Variants in UNC5D observed in about 807,000 individuals in gnomAD.
UNC5D encodes the protein netrin receptor UNC5D.
A neutral mutation model predicts 105.4 loss-of-function variants in UNC5D; 39 were observed. The ratio of observed to expected loss-of-function variants is 0.37; its 90% CI spans 0.29 to 0.48. The LOEUF (loss-of-function observed/expected upper bound fraction) is 0.48. Ranked by LOEUF, UNC5D falls within the 20% of genes least tolerant of loss-of-function variation. The pLI is 0.98. For missense variants in UNC5D, 991 were observed against 1,202.4 expected, an observed-to-expected ratio of 0.82 and a Z score of 2.60; for synonymous variants, 452 against 450.4, an observed-to-expected ratio of 1.00 and a Z score of -0.04.
intron 1 of UNC5D, among the ~76,000 whole-genome samples, chr8:35,264,833 C>T (rs887094369): frequency 1.3e-5 from 2 of 152,014 alleles, no homozygotes; most frequent in Non-Finnish European, 2.9e-5. Context: ...GCAGGGCCAT[C>T]CTGTGTACCT....
At chr8:35,782,225 T>C (rs1479588505) in intron 16 of UNC5D, among the ~76,000 whole-genome samples, 1 of 152,220 alleles carries the variant, frequency 6.6e-6, no homozygotes, top group African/African-American at 2.4e-5. Context: ...CAAATGCTTA[T>C]GGTGTGTTCA....
chr8:35,611,110 A>AT (rs1406464673), intron 4 of UNC5D, among the ~76,000 whole-genome samples: 1 of 150,904 alleles, frequency 6.6e-6, no homozygotes, highest in Non-Finnish European at 1.5e-5. Flanking sequence ...TTCTTCCTTC[A>AT]TTTTTAAAGC....
chr8:35,390,651 C>T lies in UNC5D; in HGVS notation c.103+154764C>T, dbSNP rs868586160. ...AAATACTTTTCTTATTTGTTGGTAA[C>T]ACTCTGGCGTTTCATTAATCCTAGC... On this transcript the variant is annotated intron_variant, in intron 1 of 16. Transcript: ENST00000404895. 7.9e-5 allele frequency among the ~76,000 whole-genome samples: 12 copies of T among 152,154 alleles called. 1 individual carries two copies. The highest frequency in any genetic ancestry group is 2.7e-4 in the African/African-American group (11 of 41,422).
intron 1 of UNC5D, among the ~76,000 whole-genome samples, chr8:35,245,915 T>A (rs1803062174): frequency 6.6e-6 from 1 of 152,186 alleles, no homozygotes; most frequent in African/African-American, 2.4e-5. Context: ...AAACTTGGGA[T>A]GTAATCACAA....
At chr8:35,273,817 T>G (rs1035666988) in intron 1 of UNC5D, among the ~76,000 whole-genome samples, 1 of 152,188 alleles carries the variant, frequency 6.6e-6, no homozygotes, top group Non-Finnish European at 1.5e-5. Context: ...TCTTACTAAG[T>G]GTCCACAAAG....
At chr8:35,549,603 T>C in intron 2 of UNC5D, 93 bp downstream of exon 2, 1 of 1,210,806 alleles carries the variant, frequency 8.3e-7, no homozygotes, top group Non-Finnish European at 1.2e-6. Context: ...CACCCCCCAT[T>C]GCCTTGTGTG....
At chr8:35,269,013 T>C (rs1805088528) in intron 1 of UNC5D, among the ~76,000 whole-genome samples, 1 of 152,216 alleles carries the variant, frequency 6.6e-6, no homozygotes, top group Non-Finnish European at 1.5e-5. Flanking sequence ...AACCATAGTT[T>C]ACATTAATCT....
chr8:35,763,822 C>A (rs1363100908), intron 14 of UNC5D, among the ~76,000 whole-genome samples: 9 of 152,138 alleles, frequency 5.9e-5, no homozygotes, highest in Non-Finnish European at 4.4e-5. Context: ...ATGGTGGAAG[C>A]CCTTGAAGGC....
At chr8:35,483,975 A>G (rs1424589067) in intron 1 of UNC5D, among the ~76,000 whole-genome samples, 1 of 152,176 alleles carries the variant, frequency 6.6e-6, no homozygotes, top group Non-Finnish European at 1.5e-5. Context: ...TTCAAATGTG[A>G]GGAGATGAGG....
At chr8:35,386,809 C>T (rs1207451495) in intron 1 of UNC5D, among the ~76,000 whole-genome samples, 1 of 152,160 alleles carries the variant, frequency 6.6e-6, no homozygotes, top group African/African-American at 2.4e-5. Flanking sequence ...TTTGAGCTTA[C>T]CTTTCCTTTG....
chr8:35,394,365 G>A lies in UNC5D; in HGVS notation c.104-154927G>A, dbSNP rs867869869. Among the ~76,000 whole-genome samples the A allele has an allele frequency of 3.9e-5, 6 of 152,044 alleles. No individual in the cohort carries two copies. In the South Asian group the frequency reaches 8.3e-4, roughly 21 times the overall value. ...TGATCTGGAAACAAGTTACAATGTT[G>A]TGAAAATACAAAAAAGTTGTACACT... On this transcript the variant is annotated intron_variant, in intron 1 of 16. Coordinates refer to ENST00000404895, the MANE Select transcript of UNC5D (RefSeq NM_080872.4).
At chr8:35,355,215 T>C (rs1050920762) in intron 1 of UNC5D, among the ~76,000 whole-genome samples, 3 of 151,704 alleles carry the variant, frequency 2.0e-5, no homozygotes, top group Admixed American at 6.6e-5. Context: ...AAACTCCCCC[T>C]TTTTTTTGAA....
intron 14 of UNC5D, among the ~76,000 whole-genome samples, chr8:35,760,233 G>C (rs1387184488): frequency 6.6e-6 from 1 of 151,808 alleles, no homozygotes; most frequent in Non-Finnish European, 1.5e-5. Flanking sequence ...TAGTAGAGAC[G>C]GGGTTTGCCA....
At chr8:35,554,359 T>A (rs941051779) in intron 2 of UNC5D, among the ~76,000 whole-genome samples, 1 of 152,236 alleles carries the variant, frequency 6.6e-6, no homozygotes, top group African/African-American at 2.4e-5. Flanking sequence ...CTATACCTCT[T>A]AGTAATGTAC....
intron 4 of UNC5D, among the ~76,000 whole-genome samples, chr8:35,665,060 C>A (rs534705325): frequency 1.8e-4 from 28 of 152,224 alleles, no homozygotes; most frequent in African/African-American, 6.7e-4. Flanking sequence ...TCTTAAAACT[C>A]CAGGCCTCAA....
At chr8:35,553,095 TAGAA>T (rs1303540104) in intron 2 of UNC5D, among the ~76,000 whole-genome samples, 1 of 152,156 alleles carries the variant, frequency 6.6e-6, no homozygotes, top group Non-Finnish European at 1.5e-5. Flanking sequence ...AAATGAAAGA[TAGAA>T]AGAATATTGT....
intron 1 of UNC5D, among the ~76,000 whole-genome samples, chr8:35,294,797 G>A (rs1807344193): frequency 6.6e-6 from 1 of 150,938 alleles, no homozygotes; most frequent in Non-Finnish European, 1.5e-5. Flanking sequence ...TATGTATTAA[G>A]CAGCTCAACT....
intron 1 of UNC5D, among the ~76,000 whole-genome samples, chr8:35,401,339 C>T (rs373950190): frequency 6.6e-6 from 1 of 152,058 alleles, no homozygotes; most frequent in South Asian, 2.1e-4. Context: ...TAAAAATTAG[C>T]CGGGCATAGT....
At chr8:35,674,142 T>TAACA (rs1324056845) in intron 4 of UNC5D, among the ~76,000 whole-genome samples, 2 of 152,214 alleles carry the variant, frequency 1.3e-5, no homozygotes, top group South Asian at 2.1e-4. Flanking sequence ...ACCCTTACTC[T>TAACA]AACAATGTTG....
Sources: allele counts gnomAD v4.1 joint callset (sites outside exome capture counted in the v4.1 genomes callset), GRCh38; gene constraint gnomAD v4.1.1; transcripts MANE v1.5; gene names NCBI Gene and HGNC (gene_info 2026-07-23, HGNC 2026-07-21).